Variants in TBC1D5 observed in about 807,000 individuals in gnomAD.
TBC1D5 encodes the protein TBC1 domain family, member 5.
Under a neutral mutation model 100.3 loss-of-function variants are expected in TBC1D5, and 75 were observed. That is an observed-to-expected ratio of 0.75 (90% CI 0.62 to 0.91). TBC1D5 has a LOEUF of 0.91. Ranked by LOEUF, TBC1D5 falls within the 40% of genes least tolerant of loss-of-function variation. The pLI is 0.00. For missense variants in TBC1D5, 910 were observed against 942.4 expected (o/e 0.97, Z 0.45); for synonymous variants, 323 against 325.6 (o/e 0.99, Z 0.09).
Position 17,481,259 on chromosome 3 carries a change from C to T in TBC1D5, c.97+27215G>A, listed in dbSNP as rs1049187939. ...CCGAAGCAGCTGACGTGCCTGGCTGCGTGCAGTGGCCAGAACCCATACTTG... is the reference window on the plus strand; with the variant it reads ...CCGAAGCAGCTGACGTGCCTGGCTGTGTGCAGTGGCCAGAACCCATACTTG... On this transcript the variant is annotated intron_variant, in intron 3 of 21. Coordinates refer to ENST00000253692, the Ensembl canonical transcript of TBC1D5. 3.3e-5 allele frequency among the ~76,000 whole-genome samples: 5 copies of T among 152,216 alleles called. 1 individual carries two copies. The South Asian group carries it at 8.3e-4, about 25-fold the overall frequency.
intron 2 of TBC1D5, among the ~76,000 whole-genome samples, chr3:17,568,559 ATC>A (rs2096607171): frequency 6.6e-6 from 1 of 151,516 alleles, no homozygotes; most frequent in South Asian, 2.1e-4. Flanking sequence ...ATTATACTAA[ATC>A]TCCCTTATTT....
intron 1 of TBC1D5, among the ~76,000 whole-genome samples, chr3:17,684,569 A>T (rs936467643): frequency 1.3e-5 from 2 of 152,102 alleles, no homozygotes; most frequent in African/African-American, 4.8e-5. Context: ...CCTTTCAATA[A>T]GAGAGCCCTA....
chr3:17,184,878 A>G (rs1456866958), intron 19 of TBC1D5: 1 of 267,254 alleles, frequency 3.7e-6, no homozygotes, highest in Non-Finnish European at 7.2e-6. Context: ...TTTCCACTCG[A>G]TTTACTAATG....
At chr3:17,405,491 T>A (rs1025320137) in intron 5 of TBC1D5, among the ~76,000 whole-genome samples, 4 of 152,044 alleles carry the variant, frequency 2.6e-5, no homozygotes. Flanking sequence ...CAAACAATCT[T>A]AAAATGACAA....
intron 1 of TBC1D5, among the ~76,000 whole-genome samples, chr3:17,731,753 C>T (rs114340146): frequency 1.4e-3 from 217 of 152,008 alleles, no homozygotes; most frequent in African/African-American, 5.2e-3. Flanking sequence ...GATGCCTGTA[C>T]ATGAGGATGT....
At chr3:17,608,252 G>T (rs2061460283) in intron 2 of TBC1D5, among the ~76,000 whole-genome samples, 1 of 152,068 alleles carries the variant, frequency 6.6e-6, no homozygotes, top group East Asian at 1.9e-4. Context: ...GCGAGACTCT[G>T]TCTCAAAAAC....
chr3:17,408,766 A>G (rs2093843052), intron 4 of TBC1D5, among the ~76,000 whole-genome samples: 1 of 152,232 alleles, frequency 6.6e-6, no homozygotes, highest in African/African-American at 2.4e-5. Context: ...TTTTCAATAC[A>G]TTGAAGCTTT....
intron 3 of TBC1D5, among the ~76,000 whole-genome samples, chr3:17,463,076 A>T (rs979497828): frequency 1.8e-4 from 27 of 152,194 alleles, no homozygotes; most frequent in African/African-American, 5.8e-4. Context: ...AAAAGCAAAA[A>T]CAAAAAATAA....
intron 2 of TBC1D5, among the ~76,000 whole-genome samples, chr3:17,527,082 G>A (rs73155212): frequency 0.062 from 9,453 of 152,192 alleles, 560 homozygotes; most frequent in African/African-American, 0.15. Flanking sequence ...GAAAATATAC[G>A]TTCTAGGAAA....
intron 13 of TBC1D5, among the ~76,000 whole-genome samples, chr3:17,361,572 AATTTAAT>A (rs1559719258): frequency 6.6e-6 from 1 of 152,072 alleles, no homozygotes; most frequent in Non-Finnish European, 1.5e-5. Flanking sequence ...ATCATAATGG[AATTTAAT>A]AAATTTTTAA....
intron 8 of TBC1D5, among the ~76,000 whole-genome samples, chr3:17,386,719 G>A (rs1049214498): frequency 1.6e-4 from 25 of 152,140 alleles, no homozygotes; most frequent in African/African-American, 6.0e-4. Context: ...CTACGTGGCT[G>A]TGCTGGCGTC....
chr3:17,598,820 T>C (rs1251825404), intron 2 of TBC1D5, among the ~76,000 whole-genome samples: 1 of 152,218 alleles, frequency 6.6e-6, no homozygotes, highest in East Asian at 1.9e-4. Flanking sequence ...CTTATCACTT[T>C]CCATCACTTA....
At position 17,614,745 on chromosome 3, in the gene TBC1D5, CTT is replaced by C. The variant is rs1403329016; in HGVS notation, c.-36+9102_-36+9103del. 3.8e-4 allele frequency among the ~76,000 whole-genome samples: 58 copies of C among 152,264 alleles called. 2 individuals carry two copies. Among genetic ancestry groups the C allele is most frequent in the Non-Finnish European group, 2.9e-4 (20 of 68,030 alleles). ...TGCACATTGATTTTGTATCCTGAGA[CTT>C]TGTTGAAGTTGCTTATCAGCTTAAG... On this transcript the variant is annotated intron_variant, in intron 2 of 21. Transcript: ENST00000253692.
chr3:17,160,940 T>TG, exon 22 of TBC1D5: 1 of 1,600,952 alleles, frequency 6.2e-7, no homozygotes, highest in South Asian at 1.1e-5. Context: ...TAGATCCCTG[T>TG]GGGGCAGGAC....
rs137873012 is a variant in TBC1D5 at position 17,320,598 on chromosome 3, T to C, written c.996-12464A>G. On this transcript the variant is annotated intron_variant, in intron 13 of 21. Coordinates refer to ENST00000253692, the Ensembl canonical transcript of TBC1D5. ...TCATATTTACCAAAACTTTTCTTCA[T>C]AGTTTATGGGCTTGTGAACTCCCCA... 8.1e-4 allele frequency among the ~76,000 whole-genome samples: 123 copies of C among 152,340 alleles called. 1 individual carries two copies. In the East Asian group the frequency reaches 0.022, roughly 27 times the overall value.
At chr3:17,742,040 T>C (rs1462425794), upstream of TBC1D5, among the ~76,000 whole-genome samples, 1 of 151,984 alleles carries the variant, frequency 6.6e-6, no homozygotes, top group African/African-American at 2.4e-5. Flanking sequence ...ATTTACTAAG[T>C]AGGAAGTTGA....
chr3:17,645,396 GA>G (rs1168178962), intron 1 of TBC1D5, among the ~76,000 whole-genome samples: 1 of 152,092 alleles, frequency 6.6e-6, no homozygotes, highest in African/African-American at 2.4e-5. Context: ...AATTATACTT[GA>G]AAATTTAGCA....
At chr3:17,735,394 G>A (rs1288466096) in intron 1 of TBC1D5, among the ~76,000 whole-genome samples, 1 of 152,166 alleles carries the variant, frequency 6.6e-6, no homozygotes, top group African/African-American at 2.4e-5. Flanking sequence ...CAAAATAGCT[G>A]AATCCATTTC....
At chr3:17,628,513 A>T (rs73165792) in intron 1 of TBC1D5, among the ~76,000 whole-genome samples, 10,842 of 152,098 alleles carry the variant, frequency 0.071, 785 homozygotes, top group African/African-American at 0.19. Flanking sequence ...AACATAAACT[A>T]CAAGAAGAGA....
Sources: allele counts gnomAD v4.1 joint callset (sites outside exome capture counted in the v4.1 genomes callset), GRCh38; gene constraint gnomAD v4.1.1; transcripts MANE v1.5; gene names NCBI Gene and HGNC (gene_info 2026-07-23, HGNC 2026-07-21).